Variants in MYOF observed in about 807,000 individuals in gnomAD.
The protein encoded by MYOF is fer-1-like 3, myoferlin.
Under a neutral mutation model 284.2 loss-of-function variants are expected in MYOF, and 244 were observed. The observed-to-expected ratio is 0.86, with a 90% CI of 0.77 to 0.95. MYOF has a LOEUF of 0.95. MYOF is among the 40% of genes least tolerant of loss of function. The pLI, the probability that MYOF is intolerant of heterozygous loss-of-function variation, is 0.00. For missense variants in MYOF, 2,496 were observed against 2,560.6 expected, an observed-to-expected ratio of 0.97 and a Z score of 0.54; for synonymous variants, 904 against 919.7, an observed-to-expected ratio of 0.98 and a Z score of 0.31.
In MYOF at chr10:93,353,406, C is replaced by A. The variant is rs113130151; in HGVS notation, c.3481+405G>T. Among the ~76,000 whole-genome samples the A allele has an allele frequency of 2.1e-4, 32 of 152,178 alleles. 1 individual carries two copies. Among genetic ancestry groups the A allele is most frequent in the African/African-American group, 7.0e-4 (29 of 41,544 alleles). On this transcript the variant is annotated intron_variant, in intron 32 of 53. Coordinates refer to ENST00000359263, the MANE Select transcript of MYOF (RefSeq NM_013451.4). ...ACTGCTCAAAGCCTGGTGCTGTAGGCAAATGGGCAAACTTATCATCTTTTT... is the reference window on the plus strand; with the variant it reads ...ACTGCTCAAAGCCTGGTGCTGTAGGAAAATGGGCAAACTTATCATCTTTTT...
At chr10:93,359,716 T>G (rs1844978114) in intron 29 of MYOF, 117 bp downstream of exon 29, 1 of 1,357,564 alleles carries the variant, frequency 7.4e-7, no homozygotes, top group African/African-American at 1.4e-5. Context: ...AACCCTTGAG[T>G]GGAGTGTTAG....
chr10:93,389,834 G>A (rs981381444), intron 17 of MYOF, among the ~76,000 whole-genome samples: 1 of 152,198 alleles, frequency 6.6e-6, no homozygotes, highest in African/African-American at 2.4e-5. Context: ...TGGGGAAACT[G>A]CGGGTGAGGG....
At chr10:93,332,522 C>T (rs1198894341) in intron 43 of MYOF, among the ~76,000 whole-genome samples, 2 of 151,698 alleles carry the variant, frequency 1.3e-5, no homozygotes, top group Non-Finnish European at 2.9e-5. Context: ...GCCTGGCCCT[C>T]ACTCTTCTCT....
At chr10:93,442,041 C>CACACACAGAGAGAG (rs57700900) in intron 3 of MYOF, among the ~76,000 whole-genome samples, 8 of 142,626 alleles carry the variant, frequency 5.6e-5, no homozygotes, top group African/African-American at 1.0e-4. Context: ...CACACACACA[C>CACACACAGAGAGAG]AGAATAAACC....
chr10:93,358,552 A>T (rs971063133), intron 29 of MYOF, among the ~76,000 whole-genome samples: 4 of 152,206 alleles, frequency 2.6e-5, no homozygotes, highest in African/African-American at 9.7e-5. Flanking sequence ...ATCAGCCCAA[A>T]TGTCCATCAA....
chr10:93,354,719 C>T, intron 31 of MYOF, among the ~76,000 whole-genome samples: 1 of 141,150 alleles, frequency 7.1e-6, no homozygotes, highest in African/African-American at 2.6e-5. Flanking sequence ...GATAGCAGAG[C>T]ATTATGATTC....
At chr10:93,355,010 T>G (rs1844731861) in intron 31 of MYOF, among the ~76,000 whole-genome samples, 1 of 152,220 alleles carries the variant, frequency 6.6e-6, no homozygotes, top group Admixed American at 6.5e-5. Flanking sequence ...ATTATTGAAA[T>G]CAACCATTAT....
chr10:93,415,903 T>A (rs940104683), intron 5 of MYOF, among the ~76,000 whole-genome samples: 2 of 152,226 alleles, frequency 1.3e-5, no homozygotes, highest in Non-Finnish European at 2.9e-5. Flanking sequence ...CTACAGTTAC[T>A]GCTCCATTTT....
chr10:93,346,933 A>G (rs1403464982), intron 37 of MYOF, among the ~76,000 whole-genome samples: 1 of 152,182 alleles, frequency 6.6e-6, no homozygotes, highest in Non-Finnish European at 1.5e-5. Context: ...CCCATCACTG[A>G]TGTGGGAACA....
chr10:93,401,231 C>G (rs1847278062), intron 12 of MYOF, among the ~76,000 whole-genome samples, 187 bp downstream of exon 12: 1 of 152,188 alleles, frequency 6.6e-6, no homozygotes, highest in African/African-American at 2.4e-5. Flanking sequence ...CAGCAACCAA[C>G]TAGCTGTGCC....
chr10:93,306,682 AT>A lies in MYOF; in HGVS notation c.*280del, dbSNP rs1330379108. The A allele has an allele frequency of 2.5e-6, 1 of 400,132 alleles. No homozygotes were observed. Among genetic ancestry groups the A allele is most frequent in the African/African-American group, 2.1e-5 (1 of 47,696 alleles). 24.8% of individuals were successfully genotyped at this position (400,132 alleles called of 1,614,324 possible). The stretch of plus-strand genomic sequence containing the variant: ...AACCGAAGACACATATAAAAAGATG[AT>A]TTTTAAATGGAACCAGCCACCTTGA... On this transcript the variant is annotated 3_prime_UTR_variant, in exon 54 of 54. Transcript: ENST00000359263.
Position 93,434,637 on chromosome 10 carries a change from A to C in MYOF, c.237-3121T>G, listed in dbSNP as rs536032574. 4.6e-5 allele frequency among the ~76,000 whole-genome samples: 7 copies of C among 152,206 alleles called. No individual in the cohort carries two copies. The East Asian group carries it at 1.3e-3, about 29-fold the overall frequency. ...CTGCTGTCATACATTTAACTTCTAC[A>C]TGTTACAAAACCATAATTTATTGTT... On this transcript the variant is annotated intron_variant, in intron 3 of 53. Transcript: ENST00000359263.
intron 24 of MYOF, among the ~76,000 whole-genome samples, chr10:93,370,095 G>T (rs999692030): frequency 6.6e-6 from 1 of 152,060 alleles, no homozygotes; most frequent in Admixed American, 6.5e-5. Flanking sequence ...TGCACTGGTG[G>T]TGCAAAAGCA....
At chr10:93,426,204 A>G in intron 4 of MYOF, 46 bp from the exon 5 acceptor site, 1 of 1,534,838 alleles carries the variant, frequency 6.5e-7, no homozygotes, top group South Asian at 1.2e-5. Flanking sequence ...GCAGGGCACC[A>G]GCATGTTATA....
chr10:93,407,758 A>T (rs62908860), intron 7 of MYOF, among the ~76,000 whole-genome samples: 1 of 136,908 alleles, frequency 7.3e-6, no homozygotes, highest in East Asian at 2.0e-4. Flanking sequence ...AAAAAAAAAA[A>T]TTTATCAGTA....
intron 25 of MYOF, 61 bp from the exon 26 acceptor site, chr10:93,366,616 C>T (rs1845338308): frequency 7.1e-7 from 1 of 1,410,718 alleles, no homozygotes; most frequent in Non-Finnish European, 9.6e-7. Context: ...AAAGCTAGCA[C>T]ATACATTTTC....
In MYOF at chr10:93,329,661, T is replaced by C. The variant is rs1564622641; in HGVS notation, c.4982+3A>G. ...TGCCTCTTGTACAGTCAAAGCAACT[T>C]ACACACAGTACTCCTCTGGTATGCC... On this transcript the variant is annotated splice_donor_region_variant and intron_variant, in intron 44 of 53. Coordinates refer to ENST00000359263, the MANE Select transcript of MYOF (RefSeq NM_013451.4). 1 of 1,613,722 alleles carries C rather than the reference T, an allele frequency of 6.2e-7. No individual in the cohort carries two copies. Among genetic ancestry groups the C allele is most frequent in the Admixed American group, 1.7e-5 (1 of 60,030 alleles).
rs1842119708 is a variant in MYOF, at chr10:93,306,809, G to T, written c.*154C>A. On this transcript the variant is annotated 3_prime_UTR_variant, in exon 54 of 54. Coordinates refer to ENST00000359263, the MANE Select transcript of MYOF (RefSeq NM_013451.4). ...GTTGCTTGTTGGCCTGACTTTCCAG[G>T]ACTAAGACCCTCTGGGAATCAATGG... is the stretch of plus-strand genomic sequence containing the variant. 1.3e-6 allele frequency: 1 copy of T among 768,676 alleles called. No individual in the cohort carries two copies. The allele number at this position is 768,676 out of a possible 1,614,324, so 47.6% of individuals were successfully genotyped here. A position where few individuals can be genotyped will look rare whatever the true frequency, so the allele number is the denominator to read the frequency against.
chr10:93,329,724 A>C lies in MYOF; in HGVS notation c.4922T>G (p.Leu1641Arg). 2 of 1,614,250 alleles carry C rather than the reference A, an allele frequency of 1.2e-6. No individual in the cohort carries two copies. Among genetic ancestry groups the C allele is most frequent in the Non-Finnish European group, 1.7e-6 (2 of 1,180,054 alleles). Residue 1641 changes from leucine to arginine, a missense_variant, in exon 44 of 54, where the codon CTG becomes CGG. By Grantham distance (102) the Leu-to-Arg change is moderately radical. Around this residue, in one of 3 missense-constraint regions of MYOF, gnomAD observed 2,436 missense variants for 2,480.7 expected, o/e 0.98. Transcript: ENST00000359263. ...DEKVGETIID[L>R]ENRFLSRFGS... is the part of the protein sequence containing the mutation. ...AAAGCGGGAAAGGAATCGGTTTTCCAGATCAATAATTGTTTCTCCTACTTT... is the reference window on the plus strand; with the variant it reads ...AAAGCGGGAAAGGAATCGGTTTTCCCGATCAATAATTGTTTCTCCTACTTT...
Sources: gnomAD v4.1 joint callset for allele counts (sites outside exome capture counted in the v4.1 genomes callset) on GRCh38, gnomAD v4.1.1 for gene constraint, gnomAD v4.1.1 regional missense constraint, MANE v1.5 for transcripts, NCBI Gene and HGNC (gene_info 2026-07-23, HGNC 2026-07-21) for gene names.